CDK19: variants seen among roughly 807,000 people sequenced by gnomAD.
CDK19 encodes the protein cyclin-dependent kinase 19.
CDK19 carries 20 observed loss-of-function variants against 68.3 expected under a neutral mutation model. The ratio of observed to expected loss-of-function variants is 0.29; its 90% confidence interval spans 0.21 to 0.43. The LOEUF (loss-of-function observed/expected upper bound fraction) is 0.43. CDK19 is among the 20% of genes least tolerant of loss of function. The pLI is 1.00. For missense variants in CDK19, 339 were observed against 623.5 expected (o/e 0.54, Z 4.86); for synonymous variants, 221 against 222.8 (o/e 0.99, Z 0.07).
chr6:110,708,041 C>T (rs1774658781), intron 2 of CDK19, among the ~76,000 whole-genome samples: 2 of 152,190 alleles, frequency 1.3e-5, no homozygotes, highest in South Asian at 4.2e-4. Flanking sequence ...ATAAACAATG[C>T]TATAATGAAT....
chr6:110,776,538 G>C (rs530380372), intron 1 of CDK19, among the ~76,000 whole-genome samples: 20 of 152,254 alleles, frequency 1.3e-4, no homozygotes, highest in African/African-American at 4.3e-4. Flanking sequence ...CTGGCCAAAA[G>C]AGCCTAGAAT....
chr6:110,705,141 AGCAATTCTCCT>A (rs1485962671), intron 2 of CDK19, among the ~76,000 whole-genome samples: 12 of 151,906 alleles, frequency 7.9e-5, no homozygotes, highest in Non-Finnish European at 1.6e-4. Context: ...ACCAGGTTCA[AGCAATTCTCCT>A]GCCTCAGCCT....
chr6:110,804,001 C>T (rs551975908), intron 1 of CDK19, among the ~76,000 whole-genome samples: 5 of 151,974 alleles, frequency 3.3e-5, no homozygotes, highest in Admixed American at 6.6e-5. Flanking sequence ...AAATACAGAA[C>T]GAAAAGAAAA....
intron 4 of CDK19, among the ~76,000 whole-genome samples, chr6:110,647,103 C>G (rs1190857272): frequency 1.3e-5 from 2 of 152,128 alleles, no homozygotes; most frequent in Non-Finnish European, 2.9e-5. Flanking sequence ...CCCCTGCACT[C>G]CCCTCTATCA....
chr6:110,610,942 C>T lies in CDK19; in HGVS notation c.*3593G>A, dbSNP rs537807719. On this transcript the variant is annotated 3_prime_UTR_variant, in exon 13 of 13. Coordinates refer to ENST00000368911, the MANE Select transcript of CDK19 (RefSeq NM_015076.5). The stretch of plus-strand genomic sequence containing the variant: ...TTGCTTCACCAGGAATGAGGCAGCA[C>T]ACATAGGTAAATGTCATCCCTTTCC... 53 of 152,278 alleles carry T rather than the reference C, an allele frequency of 3.5e-4. No homozygotes were observed. The highest frequency in any genetic ancestry group is 1.2e-3 in the African/African-American group (51 of 41,564). 9.4% of individuals were successfully genotyped at this position (152,278 alleles called of 1,614,324 possible). A position where few individuals can be genotyped will look rare whatever the true frequency, so the allele number is the denominator to read the frequency against.
intron 4 of CDK19, among the ~76,000 whole-genome samples, chr6:110,665,885 C>T (rs1023493641): frequency 6.6e-6 from 1 of 152,022 alleles, no homozygotes; most frequent in Non-Finnish European, 1.5e-5. Flanking sequence ...GCGAGGACCA[C>T]AGGAGCACAC....
Position 110,759,428 on chromosome 6 carries a change from A to AAATATAT in CDK19, c.129-13228_129-13227insATATATT, listed in dbSNP as rs1275389842. Among the ~76,000 whole-genome samples, 9 of 50,906 alleles carry AAATATAT rather than the reference A, an allele frequency of 1.8e-4. No individual in the cohort carries two copies. In the East Asian group the frequency reaches 3.3e-3, roughly 19 times the overall value. The allele number at this position is 50,906 out of a possible 152,430, so 33.4% of individuals were successfully genotyped here. ...TTAAAAAAAAAAAAAAAAAAAAAAAAATATATATATATATATATATATAAA... is the reference window on the plus strand; with the variant it reads ...TTAAAAAAAAAAAAAAAAAAAAAAAAAATATATATATATATATATATATATATATAAA... On this transcript the variant is annotated intron_variant, in intron 1 of 12. Transcript: ENST00000368911.
chr6:110,721,074 C>T (rs1327657665), intron 2 of CDK19, among the ~76,000 whole-genome samples: 1 of 151,478 alleles, frequency 6.6e-6, no homozygotes, highest in Admixed American at 6.6e-5. Context: ...CCCGACTCTA[C>T]TAAAAATACA....
At chr6:110,724,149 T>C (rs962983521) in intron 2 of CDK19, among the ~76,000 whole-genome samples, 14 of 151,050 alleles carry the variant, frequency 9.3e-5, no homozygotes, top group African/African-American at 3.2e-4. Flanking sequence ...AGGGCAGGAG[T>C]TCGAGACCAG....
At chr6:110,725,103 ATAAT>A (rs1776228418) in intron 2 of CDK19, among the ~76,000 whole-genome samples, 2 of 152,168 alleles carry the variant, frequency 1.3e-5, no homozygotes, top group South Asian at 2.1e-4. Context: ...GAATGAGCAA[ATAAT>A]TAAAGTACAT....
At chr6:110,643,106 T>C in intron 4 of CDK19, 1 of 897,644 alleles carries the variant, frequency 1.1e-6, no homozygotes, top group Non-Finnish European at 1.5e-6. Flanking sequence ...TACCCCACAA[T>C]CACTAAGACC....
intron 2 of CDK19, among the ~76,000 whole-genome samples, chr6:110,675,972 C>G (rs1456024116): frequency 6.6e-6 from 1 of 152,122 alleles, no homozygotes; most frequent in Non-Finnish European, 1.5e-5. Flanking sequence ...GAAGCTATAG[C>G]TGCCATAGAT....
intron 2 of CDK19, among the ~76,000 whole-genome samples, chr6:110,696,384 C>T (rs1346773956): frequency 1.3e-5 from 2 of 152,130 alleles, no homozygotes; most frequent in Admixed American, 6.5e-5. Context: ...AACCCACAGG[C>T]AACATGATAC....
intron 2 of CDK19, among the ~76,000 whole-genome samples, chr6:110,740,654 C>T (rs1777588544): frequency 6.6e-6 from 1 of 152,178 alleles, no homozygotes; most frequent in Admixed American, 6.6e-5. Context: ...AGTTATTCTG[C>T]AATCATAGTC....
intron 1 of CDK19, among the ~76,000 whole-genome samples, chr6:110,764,345 A>C (rs376715960): frequency 4.3e-4 from 65 of 152,308 alleles, no homozygotes; most frequent in Middle Eastern, 3.4e-3. Context: ...ATACTACCCA[A>C]CTTCAAGACT....
intron 1 of CDK19, among the ~76,000 whole-genome samples, chr6:110,781,555 G>A (rs1224215546): frequency 1.3e-5 from 2 of 152,094 alleles, no homozygotes; most frequent in Admixed American, 1.3e-4. Flanking sequence ...AGCAAGACCC[G>A]ATTCGGGCTG....
intron 1 of CDK19, among the ~76,000 whole-genome samples, chr6:110,749,557 G>A (rs1778320161): frequency 6.6e-6 from 1 of 151,780 alleles, no homozygotes; most frequent in Non-Finnish European, 1.5e-5. Flanking sequence ...ATGGGGTTTC[G>A]CCATATTGGC....
intron 2 of CDK19, among the ~76,000 whole-genome samples, chr6:110,678,256 C>G (rs1047873612): frequency 1.3e-5 from 2 of 152,104 alleles, no homozygotes; most frequent in African/African-American, 2.4e-5. Flanking sequence ...CTTTAAATGT[C>G]ACCCATATGC....
intron 1 of CDK19, among the ~76,000 whole-genome samples, chr6:110,804,293 A>G (rs1358288498): frequency 6.6e-6 from 1 of 152,102 alleles, no homozygotes; most frequent in Non-Finnish European, 1.5e-5. Context: ...CTATAAGAAG[A>G]GTGTATTTTT....
Sources: allele counts gnomAD v4.1 joint callset (sites outside exome capture counted in the v4.1 genomes callset), GRCh38; gene constraint gnomAD v4.1.1; transcripts MANE v1.5; gene names NCBI Gene and HGNC (gene_info 2026-07-23, HGNC 2026-07-21).